The following MAPK4 variants were observed in gnomAD, a reference collection of about 807,000 sequenced individuals.
MAPK4 encodes Erk3-related.
A neutral mutation model predicts 47.7 loss-of-function variants in MAPK4; 22 were observed. The observed-to-expected ratio is 0.46, with a 90% CI of 0.33 to 0.66. MAPK4 has a LOEUF of 0.66. MAPK4 is among the 30% of genes least tolerant of loss of function. The pLI is 0.02. For synonymous variants in MAPK4, 390 were observed against 365.7 expected, an observed-to-expected ratio of 1.07 and a Z score of -0.76; for missense variants, 736 against 831.7, an observed-to-expected ratio of 0.88 and a Z score of 1.42.
At chr18:50,637,659 C>T (rs1411272871) in intron 1 of MAPK4, among the ~76,000 whole-genome samples, 2 of 152,192 alleles carry the variant, frequency 1.3e-5, no homozygotes, top group African/African-American at 2.4e-5. Flanking sequence ...GACAGAATAC[C>T]ACAGTCTGGG....
chr18:50,652,654 GT>G (rs2043063125), intron 1 of MAPK4, among the ~76,000 whole-genome samples: 1 of 152,210 alleles, frequency 6.6e-6, no homozygotes, highest in South Asian at 2.1e-4. Context: ...TATTGATGCA[GT>G]AGGTTAGGAA....
intron 1 of MAPK4, among the ~76,000 whole-genome samples, chr18:50,591,373 A>G (rs2042435268): frequency 6.6e-6 from 1 of 151,972 alleles, no homozygotes; most frequent in Non-Finnish European, 1.5e-5. Context: ...TTCTTCCATC[A>G]ATCCTGCCTC....
At chr18:50,723,161 G>A (rs1053568186) in intron 4 of MAPK4, among the ~76,000 whole-genome samples, 5 of 152,168 alleles carry the variant, frequency 3.3e-5, no homozygotes, top group African/African-American at 1.2e-4. Context: ...GGATGGGCAG[G>A]GGAGGATGAG....
At chr18:50,671,152 T>G (rs116388429) in intron 2 of MAPK4, among the ~76,000 whole-genome samples, 3,135 of 152,248 alleles carry the variant, frequency 0.021, 106 homozygotes, top group African/African-American at 0.064. Context: ...AATCTCAGGC[T>G]CTGTGACAGG....
chr18:50,649,140 T>C (rs1160980755), intron 1 of MAPK4, among the ~76,000 whole-genome samples: 1 of 152,174 alleles, frequency 6.6e-6, no homozygotes, highest in Non-Finnish European at 1.5e-5. Flanking sequence ...CCAACCCCAG[T>C]GATCTGATCC....
At chr18:50,725,427 G>A (rs1911139928) in intron 4 of MAPK4, among the ~76,000 whole-genome samples, 1 of 152,206 alleles carries the variant, frequency 6.6e-6, no homozygotes, top group Non-Finnish European at 1.5e-5. Context: ...GCTTCCTCAG[G>A]AGCAGGCTCC....
intron 1 of MAPK4, among the ~76,000 whole-genome samples, chr18:50,633,283 A>G (rs76722314): frequency 0.027 from 4,100 of 152,304 alleles, 76 homozygotes; most frequent in Non-Finnish European, 0.039. Flanking sequence ...GGCAAAAGTG[A>G]CATGTGTCTG....
intron 1 of MAPK4, among the ~76,000 whole-genome samples, chr18:50,615,573 C>T (rs772078599): frequency 2.6e-5 from 4 of 152,188 alleles, no homozygotes; most frequent in South Asian, 2.1e-4. Context: ...ACACACATCC[C>T]GCTGGTCATA....
chr18:50,589,775 G>A (rs1479246385), intron 1 of MAPK4, among the ~76,000 whole-genome samples: 1 of 152,174 alleles, frequency 6.6e-6, no homozygotes, highest in Non-Finnish European at 1.5e-5. Context: ...CACTTCCTGA[G>A]CATGCTTTTG....
intron 1 of MAPK4, among the ~76,000 whole-genome samples, chr18:50,642,600 T>A (rs1427575758): frequency 6.6e-6 from 1 of 152,146 alleles, no homozygotes; most frequent in Non-Finnish European, 1.5e-5. Context: ...GAAGCATGAG[T>A]TGAACAACCC....
Position 50,729,330 on chromosome 18 carries a change from T to C in MAPK4, c.1240T>C (p.Ser414Pro), listed in dbSNP as rs1241191743. The C allele has an allele frequency of 6.3e-7, 1 of 1,595,706 alleles. No homozygotes were observed. The highest frequency in any genetic ancestry group is 1.7e-5 in the Admixed American group (1 of 58,260). ...CGAGCGCTTCCTAGAGCAGTCGCAC[T>C]CGTCCATGGAGCGCGCCTTCGAGGC... ...SSERFLEQSHSSMERAFEADY... is the reference protein window; with the variant it reads ...SSERFLEQSHPSMERAFEADY... Residue 414 changes from serine (S) to proline (P), a missense_variant, in exon 6 of 6, where the codon TCG (serine) becomes CCG (proline). Ser to Pro is a moderately conservative substitution (Grantham distance 74). Transcript: ENST00000400384.
chr18:50,574,862 C>CTTGTTG (rs1346218325), intron 1 of MAPK4, among the ~76,000 whole-genome samples: 1 of 152,154 alleles, frequency 6.6e-6, no homozygotes, highest in Non-Finnish European at 1.5e-5. Context: ...ATCACCCTCA[C>CTTGTTG]TTGTTGGGTA....
chr18:50,579,233 G>A (rs2042322930), intron 1 of MAPK4, among the ~76,000 whole-genome samples: 1 of 152,170 alleles, frequency 6.6e-6, no homozygotes, highest in Admixed American at 6.5e-5. Context: ...TGTCACAGGA[G>A]TCCCCATGGG....
chr18:50,622,008 G>A (rs1337803078), intron 1 of MAPK4, among the ~76,000 whole-genome samples: 1 of 152,224 alleles, frequency 6.6e-6, no homozygotes, highest in Non-Finnish European at 1.5e-5. Flanking sequence ...GGGTAGACAG[G>A]GCACATCTTA....
At chr18:50,660,523 T>A (rs981812737) in intron 1 of MAPK4, among the ~76,000 whole-genome samples, 6 of 152,236 alleles carry the variant, frequency 3.9e-5, no homozygotes, top group African/African-American at 1.4e-4. Flanking sequence ...TTGTGCCCTG[T>A]AAGCTACTTG....
chr18:50,723,975 T>A (rs137976269), intron 4 of MAPK4, among the ~76,000 whole-genome samples: 3 of 152,012 alleles, frequency 2.0e-5, no homozygotes, highest in Non-Finnish European at 2.9e-5. Flanking sequence ...CAGATTTTCA[T>A]CCGTGATGGA....
At chr18:50,623,318 C>T (rs1365318168) in intron 1 of MAPK4, among the ~76,000 whole-genome samples, 2 of 152,188 alleles carry the variant, frequency 1.3e-5, no homozygotes, top group Non-Finnish European at 2.9e-5. Flanking sequence ...GGGCTGGTTT[C>T]AAAAGAATTA....
At chr18:50,711,982 G>T (rs964848083) in intron 2 of MAPK4, among the ~76,000 whole-genome samples, 9 of 152,078 alleles carry the variant, frequency 5.9e-5, no homozygotes, top group African/African-American at 1.9e-4. Flanking sequence ...GCAGGGCCCT[G>T]GTCCACTGTG....
At chr18:50,724,007 T>C (rs1911067309) in intron 4 of MAPK4, among the ~76,000 whole-genome samples, 1 of 151,812 alleles carries the variant, frequency 6.6e-6, no homozygotes, top group South Asian at 2.1e-4. Flanking sequence ...AGCTTTGGGG[T>C]TGGTACTCGA....
Sources: gnomAD v4.1 joint callset for allele counts (sites outside exome capture counted in the v4.1 genomes callset) on GRCh38, gnomAD v4.1.1 for gene constraint, MANE v1.5 for transcripts, NCBI Gene and HGNC (gene_info 2026-07-23, HGNC 2026-07-21) for gene names.